TXNDC9: variants seen among roughly 807,000 people sequenced by gnomAD.
TXNDC9 encodes thioredoxin domain containing 9, also known as thioredoxin domain-containing protein 9.
Under a neutral mutation model 23.0 loss-of-function variants are expected in TXNDC9, and 7 were observed. The observed-to-expected ratio is 0.30, with a 90% CI of 0.17 to 0.57. The LOEUF (loss-of-function observed/expected upper bound fraction) is 0.57, where lower values mean the gene tolerates loss of function less well. Ranked by LOEUF, TXNDC9 falls within the 20% of genes least tolerant of loss-of-function variation. TXNDC9 has a pLI of 0.90. For synonymous variants in TXNDC9, 72 were observed against 90.6 expected (o/e 0.79, Z 1.17); for missense variants, 198 against 252.6 (o/e 0.78, Z 1.47).
intron 1 of TXNDC9, 107 bp from the exon 2 acceptor site, chr2:99,333,349 A>G: frequency 1.1e-6 from 1 of 883,324 alleles, no homozygotes; most frequent in South Asian, 2.0e-5. Flanking sequence ...TACTCTATGG[A>G]GTATTCTAAC....
At chr2:99,310,337 C>T in the TXNDC9 span, among the ~76,000 whole-genome samples, 1 of 151,830 alleles carries the variant, frequency 6.6e-6, no homozygotes, top group Non-Finnish European at 1.5e-5. Flanking sequence ...ATGCAGTGGC[C>T]CAATCACGGC....
At chr2:99,309,110 G>A in the TXNDC9 span, among the ~76,000 whole-genome samples, 1 of 152,114 alleles carries the variant, frequency 6.6e-6, no homozygotes, top group Non-Finnish European at 1.5e-5. Context: ...TAGGCCTGGT[G>A]CTGGTGGTTC....
At chr2:99,316,182 A>G (rs141175379), downstream of TXNDC9, among the ~76,000 whole-genome samples, 33 of 152,114 alleles carry the variant, frequency 2.2e-4, no homozygotes, top group East Asian at 6.2e-3. Context: ...AACAAAAACA[A>G]AAAACAAAAT....
chr2:99,320,386 C>T (rs1281625167), intron 4 of TXNDC9, among the ~76,000 whole-genome samples: 1 of 152,092 alleles, frequency 6.6e-6, no homozygotes, highest in Non-Finnish European at 1.5e-5. Flanking sequence ...TGAGAGAAAC[C>T]ATCACACACC....
chr2:99,306,469 G>A, the TXNDC9 span, among the ~76,000 whole-genome samples: 9 of 151,928 alleles, frequency 5.9e-5, no homozygotes, highest in African/African-American at 7.2e-5. Flanking sequence ...AAAGAATGGC[G>A]CTGTGTTTGG....
At position 99,333,004 on chromosome 2, in the gene TXNDC9, G is replaced by GC; in HGVS notation, c.189+17dup. 1 of 1,596,946 alleles carries GC rather than the reference G, an allele frequency of 6.3e-7. No homozygotes were observed. The highest frequency in any genetic ancestry group is 8.6e-7 in the Non-Finnish European group (1 of 1,165,488). On this transcript the variant is annotated intron_variant, in intron 2 of 4. Transcript: ENST00000264255. Reference sequence around the variant, plus strand: ...CATACTGTTATAGCAATTTCAGAAAGCAGGGCAGAGAGGTTACTTGTTTCT... The same window carrying GC: ...CATACTGTTATAGCAATTTCAGAAAGCCAGGGCAGAGAGGTTACTTGTTTCT...
At chr2:99,330,924 ACC>A (rs1338029712) in intron 2 of TXNDC9, among the ~76,000 whole-genome samples, 32 of 152,086 alleles carry the variant, frequency 2.1e-4, no homozygotes, top group East Asian at 1.9e-4. Flanking sequence ...CTAAAATAAG[ACC>A]CTCTGAATTA....
intron 3 of TXNDC9, among the ~76,000 whole-genome samples, chr2:99,326,385 A>C (rs57242893): frequency 0.44 from 66,444 of 152,112 alleles, 14,788 homozygotes; most frequent in Admixed American, 0.57. Context: ...GGCTGAAACC[A>C]CAGTGAGTGC....
chr2:99,318,075 G>T (rs1001934953), downstream of TXNDC9, among the ~76,000 whole-genome samples: 1 of 152,186 alleles, frequency 6.6e-6, no homozygotes. Context: ...ACTTTTAGTA[G>T]AGACAGGGTT....
chr2:99,329,470 A>G (rs1310220499), intron 2 of TXNDC9, among the ~76,000 whole-genome samples: 1 of 152,210 alleles, frequency 6.6e-6, no homozygotes. Flanking sequence ...CCTCCTCTGG[A>G]CGTCAGTGAA....
intron 3 of TXNDC9, chr2:99,322,669 A>T (rs2094205263): frequency 6.5e-7 from 1 of 1,537,014 alleles, no homozygotes; most frequent in African/African-American, 1.4e-5. Context: ...GCTGTCAGTA[A>T]GAAGCACATT....
At chr2:99,317,714 G>A (rs904789312), downstream of TXNDC9, among the ~76,000 whole-genome samples, 10 of 151,734 alleles carry the variant, frequency 6.6e-5, no homozygotes, top group African/African-American at 2.4e-4. Context: ...CTGGCTTCAA[G>A]TGGTCCTCCC....
Position 99,336,257 on chromosome 2 carries a change from C to T in TXNDC9, c.-51G>A. On this transcript the variant is annotated 5_prime_UTR_variant, in exon 1 of 5. Transcript: ENST00000264255. ...GCCTCACCTGAGCTCTCGGTGACGC[C>T]TGAGAAGTGAAAGAGCAGCAGTTTC... 1 of 985,368 alleles carries T rather than the reference C, an allele frequency of 1.0e-6. No individual in the cohort carries two copies. The highest frequency in any genetic ancestry group is 4.7e-5 in the South Asian group (1 of 21,272). The allele number at this position is 985,368 out of a possible 1,614,324, so 61.0% of individuals were successfully genotyped here. A position where few individuals can be genotyped will look rare whatever the true frequency, so the allele number is the denominator to read the frequency against.
chr2:99,316,126 T>A (rs1304232981), downstream of TXNDC9, among the ~76,000 whole-genome samples: 3 of 151,412 alleles, frequency 2.0e-5, no homozygotes, highest in East Asian at 5.8e-4. Context: ...TCTTTTTTTT[T>A]TTTTTTTGTT....
chr2:99,333,511 C>T (rs1226537510), intron 1 of TXNDC9, among the ~76,000 whole-genome samples: 1 of 152,132 alleles, frequency 6.6e-6, no homozygotes, highest in Non-Finnish European at 1.5e-5. Flanking sequence ...AAAGCCAAGA[C>T]AAGTCTTTAA....
At chr2:99,316,906 G>A (rs1170410383), downstream of TXNDC9, among the ~76,000 whole-genome samples, 2 of 152,062 alleles carry the variant, frequency 1.3e-5, no homozygotes, top group Non-Finnish European at 1.5e-5. Context: ...ACAGGCGCCC[G>A]CCACCACGCC....
At chr2:99,323,806 C>T (rs190781650) in intron 3 of TXNDC9, among the ~76,000 whole-genome samples, 22 of 152,216 alleles carry the variant, frequency 1.4e-4, no homozygotes, top group African/African-American at 3.6e-4. Context: ...TCTTTTAGAC[C>T]GGTGGTTCTT....
the TXNDC9 span, among the ~76,000 whole-genome samples, chr2:99,306,490 G>A: frequency 6.6e-6 from 1 of 152,142 alleles, no homozygotes; most frequent in South Asian, 2.1e-4. Context: ...GGAAAATCAA[G>A]CTGCTTAGTT....
intron 3 of TXNDC9, among the ~76,000 whole-genome samples, chr2:99,324,311 G>A (rs1559234611): frequency 1.3e-5 from 2 of 152,134 alleles, no homozygotes; most frequent in Non-Finnish European, 2.9e-5. Context: ...TTGTGCACTT[G>A]ATGTAGTTTT....
Sources: allele counts gnomAD v4.1 joint callset (sites outside exome capture counted in the v4.1 genomes callset), GRCh38; gene constraint gnomAD v4.1.1; transcripts MANE v1.5; gene names NCBI Gene and HGNC (gene_info 2026-07-23, HGNC 2026-07-21).